KLHL29: variants seen among roughly 807,000 people sequenced by gnomAD.
KLHL29 encodes kelch like family member 29.
KLHL29 carries 21 observed loss-of-function variants against 80.4 expected under a neutral mutation model. The ratio of observed to expected loss-of-function variants is 0.26; its 90% CI spans 0.19 to 0.38. The LOEUF (loss-of-function observed/expected upper bound fraction) is 0.38, where lower values mean the gene tolerates loss of function less well. Among genes scored for constraint, KLHL29 ranks in the 10% least tolerant of loss-of-function variants. KLHL29 has a pLI of 1.00. For missense variants in KLHL29, 867 were observed against 1,223.9 expected, an observed-to-expected ratio of 0.71 and a Z score of 4.35; for synonymous variants, 511 against 526.8, an observed-to-expected ratio of 0.97 and a Z score of 0.41.
chr2:23,597,627 G>A (rs1668462296), intron 3 of KLHL29, among the ~76,000 whole-genome samples: 1 of 151,550 alleles, frequency 6.6e-6, no homozygotes, highest in East Asian at 1.9e-4. Flanking sequence ...GTTTCACCGT[G>A]TCGGCCAGAC....
Position 23,562,067 on chromosome 2 carries a change from C to T in KLHL29, c.-45-85C>T. 9.7e-7 allele frequency: 1 copy of T among 1,033,942 alleles called. No homozygotes were observed. The highest frequency in any genetic ancestry group is 2.6e-5 in the East Asian group (1 of 38,402). 64.0% of individuals were successfully genotyped at this position (1,033,942 alleles called of 1,614,324 possible). On this transcript the variant is annotated intron_variant, in intron 2 of 13. Transcript: ENST00000486442. The surrounding 1 kb of genome is among the most constrained non-coding windows in gnomAD (Gnocchi z 4.5). ...AATGTTTGAAGGCCTGTTATTGAAC[C>T]CAGAGAAGGGGCTTCATGGATGCTG...
intron 1 of KLHL29, among the ~76,000 whole-genome samples, chr2:23,464,182 T>C (rs1318750347): frequency 6.6e-6 from 1 of 152,182 alleles, no homozygotes; most frequent in Non-Finnish European, 1.5e-5. Flanking sequence ...CTTTTGAAAG[T>C]GGCAAATTGA....
intron 1 of KLHL29, among the ~76,000 whole-genome samples, chr2:23,414,963 C>A (rs1666950264): frequency 6.6e-6 from 1 of 152,230 alleles, no homozygotes; most frequent in Non-Finnish European, 1.5e-5. Context: ...CCCAGAGTCT[C>A]CAGGGTAGTT....
At chr2:23,529,057 C>A (rs998265275) in intron 2 of KLHL29, among the ~76,000 whole-genome samples, 1 of 152,212 alleles carries the variant, frequency 6.6e-6, no homozygotes, top group African/African-American at 2.4e-5. Flanking sequence ...GCTGAGCCAC[C>A]CTCTAACCAT....
At chr2:23,413,433 G>T (rs1266718975) in intron 1 of KLHL29, among the ~76,000 whole-genome samples, 1 of 152,192 alleles carries the variant, frequency 6.6e-6, no homozygotes, top group East Asian at 1.9e-4. Context: ...AGACATGGAC[G>T]TGGGTTTCAT....
chr2:23,445,044 T>C (rs541433399), intron 1 of KLHL29, among the ~76,000 whole-genome samples: 1 of 152,346 alleles, frequency 6.6e-6, no homozygotes, highest in African/African-American at 2.4e-5. Context: ...CCAATTTTTT[T>C]CCTCACAGTG....
At chr2:23,576,018 A>AG (rs914708922) in intron 3 of KLHL29, among the ~76,000 whole-genome samples, 1 of 152,120 alleles carries the variant, frequency 6.6e-6, no homozygotes, top group African/African-American at 2.4e-5. Context: ...AAATATGCTG[A>AG]GGGGGGCCGC....
At chr2:23,577,240 A>C (rs1251725623) in intron 3 of KLHL29, among the ~76,000 whole-genome samples, 3 of 152,356 alleles carry the variant, frequency 2.0e-5, no homozygotes. Context: ...ACCTGAGGTC[A>C]GGAGTTCGAG....
intron 2 of KLHL29, among the ~76,000 whole-genome samples, chr2:23,504,276 G>A (rs935898492): frequency 2.6e-5 from 4 of 152,182 alleles, no homozygotes; most frequent in Non-Finnish European, 5.9e-5. Context: ...GATCTAGAAC[G>A]TTAATTTATT....
intron 3 of KLHL29, among the ~76,000 whole-genome samples, chr2:23,585,220 C>G (rs1187818843): frequency 1.3e-5 from 2 of 152,178 alleles, no homozygotes; most frequent in African/African-American, 4.8e-5. Flanking sequence ...GGGCAGTACT[C>G]CCACGTGCTC....
At chr2:23,693,035 T>C (rs549370639) in intron 7 of KLHL29, among the ~76,000 whole-genome samples, 3 of 152,166 alleles carry the variant, frequency 2.0e-5, no homozygotes, top group Non-Finnish European at 2.9e-5. Context: ...TGCCAGGACC[T>C]GTGCGCACAG....
At position 23,696,242 on chromosome 2, in the gene KLHL29, T is replaced by G. The variant is rs1572519387; in HGVS notation, c.1925-91T>G. The G allele has an allele frequency of 6.7e-7, 1 of 1,483,436 alleles. No individual in the cohort carries two copies. The highest frequency in any genetic ancestry group is 9.1e-7 in the Non-Finnish European group (1 of 1,093,430). The allele number at this position is 1,483,436 out of a possible 1,614,324, so 91.9% of individuals were successfully genotyped here. On this transcript the variant is annotated intron_variant, in intron 10 of 13. Coordinates refer to ENST00000486442, the MANE Select transcript of KLHL29 (RefSeq NM_052920.2). This position sits in a 1 kb window ranked among gnomAD's most constrained non-coding sequence, Gnocchi z 5.5. The stretch of plus-strand genomic sequence containing the variant: ...GGCCCAGAAGTGTCTACTTTGCAGG[T>G]GAAGCCTTCCTCTGCCCCTGGGGCT...
intron 3 of KLHL29, among the ~76,000 whole-genome samples, chr2:23,583,897 T>C (rs1038920239): frequency 2.0e-5 from 3 of 152,206 alleles, no homozygotes; most frequent in African/African-American, 7.2e-5. Flanking sequence ...CTCCTCTTTA[T>C]CTTGTTGTAA....
At chr2:23,495,278 G>A (rs1236110807) in intron 2 of KLHL29, among the ~76,000 whole-genome samples, 1 of 152,106 alleles carries the variant, frequency 6.6e-6, no homozygotes, top group Non-Finnish European at 1.5e-5. Flanking sequence ...GCCTCTGTGG[G>A]CTGTCAGGCA....
intron 1 of KLHL29, among the ~76,000 whole-genome samples, chr2:23,410,382 C>T (rs1666834761): frequency 6.6e-6 from 1 of 152,054 alleles, no homozygotes; most frequent in Non-Finnish European, 1.5e-5. Flanking sequence ...CTCAAGGTGA[C>T]CCCTAGATTA....
Position 23,608,148 on chromosome 2 carries a change from C to A in KLHL29, c.286-30991C>A, listed in dbSNP as rs931768890. The stretch of plus-strand genomic sequence containing the variant: ...AAAGACAGTAATTTCCATCTCCATT[C>A]CCAGCATGATGGGAGGGAAAAAGGA... On this transcript the variant is annotated intron_variant, in intron 3 of 13. Transcript: ENST00000486442. Among the ~76,000 whole-genome samples, 6 of 152,292 alleles carry A rather than the reference C, an allele frequency of 3.9e-5. No individual in the cohort carries two copies. The South Asian group carries it at 1.0e-3, about 26-fold the overall frequency.
At chr2:23,525,741 C>T (rs950423606) in intron 2 of KLHL29, among the ~76,000 whole-genome samples, 3 of 113,168 alleles carry the variant, frequency 2.7e-5, no homozygotes, top group Non-Finnish European at 5.8e-5. Flanking sequence ...CCCCCCCCAC[C>T]CGAGGCGAGC....
chr2:23,626,568 G>A (rs1669313634), intron 3 of KLHL29, among the ~76,000 whole-genome samples: 1 of 152,214 alleles, frequency 6.6e-6, no homozygotes, highest in South Asian at 2.1e-4. Context: ...TTGTAATTAT[G>A]ATCCTGACTC....
chr2:23,514,084 T>C (rs1265405995), intron 2 of KLHL29, among the ~76,000 whole-genome samples: 1 of 152,254 alleles, frequency 6.6e-6, no homozygotes, highest in African/African-American at 2.4e-5. Context: ...TTATTGCTTT[T>C]GTGCATTATG....
Sources: gnomAD v4.1 joint callset for allele counts (sites outside exome capture counted in the v4.1 genomes callset) on GRCh38, gnomAD v4.1.1 for gene constraint, Gnocchi (gnomAD v3.1) non-coding constraint, MANE v1.5 for transcripts, NCBI Gene and HGNC (gene_info 2026-07-23, HGNC 2026-07-21) for gene names.